Variants in DNAJC1 observed in about 807,000 individuals in gnomAD.
The protein encoded by DNAJC1 is dnaJ homolog subfamily C member 1.
In DNAJC1, 58 loss-of-function variants were observed where a neutral mutation model predicts 76.6. That is an observed-to-expected ratio of 0.76 (90% confidence interval 0.61 to 0.94). The LOEUF (loss-of-function observed/expected upper bound fraction) is 0.94. DNAJC1 is among the 40% of genes least tolerant of loss of function. DNAJC1 has a pLI of 0.00. For synonymous variants in DNAJC1, 258 were observed against 267.9 expected (o/e 0.96, Z 0.36); for missense variants, 689 against 677.3 (o/e 1.02, Z -0.19).
chr10:21,807,418 T>G (rs910476988), intron 8 of DNAJC1, among the ~76,000 whole-genome samples: 1 of 152,176 alleles, frequency 6.6e-6, no homozygotes, highest in African/African-American at 2.4e-5. Flanking sequence ...CCTTCCTGAC[T>G]TTTTACTGTC....
intron 1 of DNAJC1, among the ~76,000 whole-genome samples, chr10:21,997,503 T>C (rs1838437633): frequency 6.6e-6 from 1 of 152,198 alleles, no homozygotes; most frequent in South Asian, 2.1e-4. Context: ...GCTTTCTGAC[T>C]GATCAGCTCT....
rs559847690 is a variant in DNAJC1 at position 21,878,170 on chromosome 10, T to C, written c.978+4112A>G. Among the ~76,000 whole-genome samples, 13 of 152,314 alleles carry C rather than the reference T, an allele frequency of 8.5e-5. No individual in the cohort carries two copies. The East Asian group carries it at 1.2e-3, about 14-fold the overall frequency. Reference sequence around the variant, plus strand: ...CTAGTGGTACTTTCCATAGGCCCAATGGTGTTATTCAAGGTTTACAGTATT... The same window carrying C: ...CTAGTGGTACTTTCCATAGGCCCAACGGTGTTATTCAAGGTTTACAGTATT... On this transcript the variant is annotated intron_variant, in intron 8 of 11. Coordinates refer to ENST00000376980, the MANE Select transcript of DNAJC1 (RefSeq NM_022365.4).
At chr10:21,983,741 A>G (rs936676613) in intron 1 of DNAJC1, among the ~76,000 whole-genome samples, 6 of 150,894 alleles carry the variant, frequency 4.0e-5, no homozygotes, top group African/African-American at 1.2e-4. Flanking sequence ...AAAAAAAAGG[A>G]AAGTAGATGA....
At chr10:21,928,414 A>G (rs969580791) in intron 3 of DNAJC1, 92 bp downstream of exon 3, 5 of 1,138,724 alleles carry the variant, frequency 4.4e-6, no homozygotes, top group Middle Eastern at 2.1e-4. Context: ...AAATGCTAAC[A>G]TAATAATAAA....
At chr10:21,894,388 C>T (rs942746274) in intron 7 of DNAJC1, among the ~76,000 whole-genome samples, 22 of 152,026 alleles carry the variant, frequency 1.4e-4, no homozygotes, top group African/African-American at 4.8e-4. Flanking sequence ...CTGGCCAACA[C>T]GGTGAAACCT....
At chr10:21,906,172 C>T (rs1406486539) in intron 6 of DNAJC1, among the ~76,000 whole-genome samples, 1 of 151,904 alleles carries the variant, frequency 6.6e-6, no homozygotes, top group Non-Finnish European at 1.5e-5. Flanking sequence ...CTTTTCATCC[C>T]CACTTTTATG....
At chr10:21,858,037 A>C (rs1002846617) in intron 8 of DNAJC1, among the ~76,000 whole-genome samples, 3 of 152,212 alleles carry the variant, frequency 2.0e-5, no homozygotes, top group African/African-American at 7.2e-5. Flanking sequence ...CTATCTAATT[A>C]AAAGTATTGG....
At chr10:21,778,436 T>C (rs968597936) in intron 9 of DNAJC1, among the ~76,000 whole-genome samples, 1 of 152,178 alleles carries the variant, frequency 6.6e-6, no homozygotes, top group Non-Finnish European at 1.5e-5. Context: ...ATATCCCAAA[T>C]ACCAAAGATT....
chr10:22,003,083 C>G (rs1590088558), intron 1 of DNAJC1, 130 bp downstream of exon 1: 1 of 1,319,612 alleles, frequency 7.6e-7, no homozygotes, highest in Non-Finnish European at 9.7e-7. Flanking sequence ...CCCGGTGACC[C>G]GAGCTGAGGG....
chr10:21,858,085 A>G (rs574229639), intron 8 of DNAJC1, among the ~76,000 whole-genome samples: 1 of 152,332 alleles, frequency 6.6e-6, no homozygotes, highest in South Asian at 2.1e-4. Flanking sequence ...TAAAATTCAG[A>G]GATATATAAC....
At chr10:21,794,302 A>G (rs1216176238) in intron 9 of DNAJC1, among the ~76,000 whole-genome samples, 2 of 151,586 alleles carry the variant, frequency 1.3e-5, no homozygotes, top group Non-Finnish European at 2.9e-5. Context: ...GAGAGAGAGA[A>G]AAGAAAATGG....
At chr10:21,923,168 C>T (rs1837064970) in intron 3 of DNAJC1, among the ~76,000 whole-genome samples, 1 of 151,964 alleles carries the variant, frequency 6.6e-6, no homozygotes, top group Non-Finnish European at 1.5e-5. Flanking sequence ...ATGTCTGTCA[C>T]TCTAAACAAC....
At chr10:21,969,736 T>C (rs970596988) in intron 1 of DNAJC1, among the ~76,000 whole-genome samples, 18 of 152,222 alleles carry the variant, frequency 1.2e-4, no homozygotes, top group Admixed American at 1.2e-3. Flanking sequence ...CAGCCAACTA[T>C]GAATAGCAGG....
At chr10:21,824,226 C>T (rs772779223) in intron 8 of DNAJC1, among the ~76,000 whole-genome samples, 13 of 152,174 alleles carry the variant, frequency 8.5e-5, no homozygotes, top group Non-Finnish European at 1.8e-4. Context: ...CTAAAGCTTC[C>T]ATTCAATAAC....
At chr10:21,765,364 C>G (rs1834287651) in intron 10 of DNAJC1, among the ~76,000 whole-genome samples, 1 of 152,098 alleles carries the variant, frequency 6.6e-6, no homozygotes, top group Non-Finnish European at 1.5e-5. Context: ...CCACGCCCGG[C>G]TGGGGTGGCT....
At chr10:21,904,367 G>A (rs1240900153) in intron 7 of DNAJC1, among the ~76,000 whole-genome samples, 155 bp downstream of exon 7, 1 of 150,134 alleles carries the variant, frequency 6.7e-6, no homozygotes, top group Non-Finnish European at 1.5e-5. Context: ...GATGTTCCAT[G>A]TCAAATACAT....
chr10:21,894,125 G>C (rs962858733), intron 7 of DNAJC1, among the ~76,000 whole-genome samples: 1 of 152,150 alleles, frequency 6.6e-6, no homozygotes, highest in Non-Finnish European at 1.5e-5. Context: ...ACATGAAATA[G>C]ATATTTAAAT....
At chr10:21,966,687 CT>C (rs111881136) in intron 1 of DNAJC1, among the ~76,000 whole-genome samples, 95,560 of 129,852 alleles carry the variant, frequency 0.74, 35,092 homozygotes, top group East Asian at 0.96. Flanking sequence ...TCTTCTTCTT[CT>C]TTTTTTTTTT....
intron 1 of DNAJC1, among the ~76,000 whole-genome samples, chr10:21,945,449 TA>T (rs1356828133): frequency 6.6e-6 from 1 of 152,130 alleles, no homozygotes; most frequent in African/African-American, 2.4e-5. Context: ...GAGAGGACTT[TA>T]AATATAGGTG....
Sources: gnomAD v4.1 joint callset for allele counts (sites outside exome capture counted in the v4.1 genomes callset) on GRCh38, gnomAD v4.1.1 for gene constraint, MANE v1.5 for transcripts, NCBI Gene and HGNC (gene_info 2026-07-23, HGNC 2026-07-21) for gene names.